The following SYT16 variants were observed in gnomAD, a reference collection of about 807,000 sequenced individuals.
The protein encoded by SYT16 is synaptotagmin-16.
SYT16 carries 42 observed loss-of-function variants against 61.4 expected under a neutral mutation model. The observed-to-expected ratio is 0.68, with a 90% CI of 0.53 to 0.89. SYT16 has a LOEUF of 0.89. Ranked by LOEUF, SYT16 falls within the 40% of genes least tolerant of loss-of-function variation. The probability of loss-of-function intolerance (pLI) is 0.00; values close to 1 mark genes in which losing one functional copy is unlikely to be tolerated. For synonymous variants in SYT16, 314 were observed against 302.3 expected (o/e 1.04, Z -0.40); for missense variants, 804 against 807.3 (o/e 1.00, Z 0.05).
intron 1 of SYT16, chr14:61,831,991 C>G: frequency 1.6e-6 from 1 of 636,558 alleles, no homozygotes; most frequent in Non-Finnish European, 3.0e-6. Context: ...GGGATGGGGC[C>G]GTACACACAG....
chr14:62,067,347 A>G (rs145380530), intron 3 of SYT16, among the ~76,000 whole-genome samples: 181 of 152,216 alleles, frequency 1.2e-3, no homozygotes, highest in Non-Finnish European at 2.2e-3. Context: ...TACTTAAGGG[A>G]GGGTGTTCAG....
intron 3 of SYT16, among the ~76,000 whole-genome samples, chr14:62,054,993 T>TA (rs544971294): frequency 1.2e-3 from 184 of 152,138 alleles, no homozygotes; most frequent in African/African-American, 3.9e-3. Context: ...GCAATGAGAT[T>TA]AAAAAAAATC....
chr14:61,933,023 A>G (rs1206180958), intron 1 of SYT16, among the ~76,000 whole-genome samples: 2 of 152,254 alleles, frequency 1.3e-5, no homozygotes, highest in East Asian at 1.9e-4. Flanking sequence ...ATTGTTAGCT[A>G]CATTCTCTTT....
At chr14:62,040,785 C>A (rs1192677859) in intron 3 of SYT16, among the ~76,000 whole-genome samples, 2 of 152,060 alleles carry the variant, frequency 1.3e-5, no homozygotes, top group African/African-American at 4.8e-5. Context: ...GCAGAAAGTA[C>A]CAAGAGGTCC....
chr14:61,904,447 C>T (rs185046017), intron 1 of SYT16, among the ~76,000 whole-genome samples: 65 of 152,266 alleles, frequency 4.3e-4, no homozygotes, highest in Non-Finnish European at 7.9e-4. Flanking sequence ...GCTTTGCATT[C>T]CTGTGATGTT....
chr14:61,818,677 CAAA>C lies in SYT16; in HGVS notation c.-325+5883_-325+5885del, dbSNP rs61559295. On this transcript the variant is annotated intron_variant, in intron 1 of 7. Transcript: ENST00000683842. ...TGGGAGACACAGTGAGACTCTGTCT[CAAA>C]AAAAAAAAAAAAAAACAGCATTTAG... Among the ~76,000 whole-genome samples the C allele has an allele frequency of 7.8e-3, 577 of 74,380 alleles. 2 individuals are homozygous for C. The highest frequency in any genetic ancestry group is 0.026 in the African/African-American group (551 of 21,478). 48.8% of individuals were successfully genotyped at this position (74,380 alleles called of 152,430 possible).
At chr14:61,839,744 C>A (rs1482344563) in intron 1 of SYT16, among the ~76,000 whole-genome samples, 1 of 152,134 alleles carries the variant, frequency 6.6e-6, no homozygotes, top group African/African-American at 2.4e-5. Context: ...ATTTTTTAGG[C>A]CAGCAAATCA....
chr14:62,105,802 A>G lies in SYT16; in HGVS notation c.*5095A>G, dbSNP rs549251727. ...TGCTACTTGTGGTTTTAAACGAAAC[A>G]TGATTCTGGGATGAGAAGTGCGAGG... On this transcript the variant is annotated 3_prime_UTR_variant, in exon 8 of 8. Transcript: ENST00000683842. 1 of 152,232 alleles carries G rather than the reference A, an allele frequency of 6.6e-6. No individual in the cohort carries two copies. Among genetic ancestry groups the G allele is most frequent in the Non-Finnish European group, 1.5e-5 (1 of 68,038 alleles). The allele number at this position is 152,232 out of a possible 1,614,324, so 9.4% of individuals were successfully genotyped here.
At chr14:62,095,970 A>G (rs2057260928) in intron 7 of SYT16, among the ~76,000 whole-genome samples, 2 of 151,972 alleles carry the variant, frequency 1.3e-5, no homozygotes, top group South Asian at 4.1e-4. Flanking sequence ...GAAACTTGAT[A>G]TTTGACAGAC....
intron 3 of SYT16, among the ~76,000 whole-genome samples, chr14:61,997,096 C>T (rs1392204362): frequency 6.6e-6 from 1 of 151,974 alleles, no homozygotes; most frequent in Non-Finnish European, 1.5e-5. Flanking sequence ...TAAAAACTGC[C>T]TATAAAGATT....
intron 5 of SYT16, among the ~76,000 whole-genome samples, chr14:62,076,235 G>A (rs2056492046): frequency 6.6e-6 from 1 of 152,138 alleles, no homozygotes; most frequent in African/African-American, 2.4e-5. Flanking sequence ...TGTGACATTG[G>A]AAGGCATTAA....
intron 1 of SYT16, among the ~76,000 whole-genome samples, chr14:61,891,332 C>T (rs1397760912): frequency 6.6e-6 from 1 of 151,232 alleles, no homozygotes; most frequent in African/African-American, 2.4e-5. Flanking sequence ...TTTTTTTTCC[C>T]CTTGCAAACT....
intron 3 of SYT16, among the ~76,000 whole-genome samples, chr14:62,050,292 A>T (rs2055212953): frequency 1.3e-5 from 2 of 152,118 alleles, no homozygotes; most frequent in South Asian, 4.1e-4. Context: ...CATTCGTCAC[A>T]TAGTTCTCGT....
intron 3 of SYT16, among the ~76,000 whole-genome samples, chr14:62,020,126 T>G (rs2053854395): frequency 1.3e-5 from 2 of 152,206 alleles, no homozygotes; most frequent in Admixed American, 1.3e-4. Context: ...TGCCTGACAG[T>G]CTTGATGGAG....
intron 4 of SYT16, among the ~76,000 whole-genome samples, chr14:62,072,726 A>G (rs1316072127): frequency 6.6e-6 from 1 of 152,202 alleles, no homozygotes; most frequent in South Asian, 2.1e-4. Context: ...AGTCTAGCCA[A>G]GTTGACGCAT....
intron 3 of SYT16, among the ~76,000 whole-genome samples, chr14:62,068,334 G>C (rs1032382181): frequency 6.6e-6 from 1 of 151,882 alleles, no homozygotes; most frequent in Non-Finnish European, 1.5e-5. Flanking sequence ...AAGAGGCATA[G>C]TGCATCATTT....
At chr14:61,847,317 A>G (rs577270008) in intron 1 of SYT16, among the ~76,000 whole-genome samples, 131 of 152,218 alleles carry the variant, frequency 8.6e-4, no homozygotes, top group African/African-American at 3.1e-3. Context: ...TTTTTGCTAG[A>G]TATACTATTC....
intron 1 of SYT16, among the ~76,000 whole-genome samples, chr14:61,950,495 G>C (rs1356801043): frequency 6.6e-6 from 1 of 152,200 alleles, no homozygotes; most frequent in Non-Finnish European, 1.5e-5. Flanking sequence ...GGCCTCCCAT[G>C]CTTCAGTGCA....
intron 1 of SYT16, among the ~76,000 whole-genome samples, chr14:61,866,977 A>G (rs1040550714): frequency 1.3e-5 from 2 of 151,650 alleles, no homozygotes; most frequent in Non-Finnish European, 2.9e-5. Flanking sequence ...TCATATGCAC[A>G]TGTAATTATT....
Sources: gnomAD v4.1 joint callset for allele counts (sites outside exome capture counted in the v4.1 genomes callset) on GRCh38, gnomAD v4.1.1 for gene constraint, MANE v1.5 for transcripts, NCBI Gene and HGNC (gene_info 2026-07-23, HGNC 2026-07-21) for gene names.